Variants in GREB1 observed in about 807,000 individuals in gnomAD.
The protein encoded by GREB1 is growth regulating estrogen receptor binding 1.
GREB1 carries 106 observed loss-of-function variants against 200.7 expected under a neutral mutation model. The ratio of observed to expected loss-of-function variants is 0.53; its 90% CI spans 0.45 to 0.62. The LOEUF (loss-of-function observed/expected upper bound fraction) is 0.62, where lower values mean the gene tolerates loss of function less well. Ranked by LOEUF, GREB1 falls within the 20% of genes least tolerant of loss-of-function variation. The pLI is 0.00. For synonymous variants in GREB1, 1,132 were observed against 1,092.4 expected, an observed-to-expected ratio of 1.04 and a Z score of -0.72; for missense variants, 2,243 against 2,556.8, an observed-to-expected ratio of 0.88 and a Z score of 2.65.
chr2:11,519,059 T>G (rs1016731768), intron 1 of GREB1, among the ~76,000 whole-genome samples: 2 of 145,576 alleles, frequency 1.4e-5, no homozygotes, highest in Admixed American at 1.4e-4. Context: ...ATCGCGCCAC[T>G]GCACTCCAGC....
At chr2:11,595,159 A>C (rs1681095737) in intron 11 of GREB1, 92 bp from the exon 12 acceptor site, 2 of 1,159,844 alleles carry the variant, frequency 1.7e-6, no homozygotes, top group South Asian at 1.5e-5. Flanking sequence ...GGGAAATGTC[A>C]AGTCTAGAAG....
chr2:11,574,260 A>C (rs578199764), intron 4 of GREB1, among the ~76,000 whole-genome samples: 14 of 152,326 alleles, frequency 9.2e-5, no homozygotes, highest in African/African-American at 3.1e-4. Context: ...CACAGCTCAC[A>C]CGTGCAGTCA....
At chr2:11,592,187 CTTTTTT>C in intron 10 of GREB1, 1 of 311,754 alleles carries the variant, frequency 3.2e-6, no homozygotes, top group Non-Finnish European at 4.3e-6. Flanking sequence ...TTTTTTTTTT[CTTTTTT>C]TTTTTTTTTT....
chr2:11,483,271 CGTGT>C (rs201669714), intron 1 of GREB1, among the ~76,000 whole-genome samples: 2,177 of 141,802 alleles, frequency 0.015, 18 homozygotes, highest in Non-Finnish European at 0.023. Flanking sequence ...CACGTGTGTG[CGTGT>C]GTGAGTGCGC....
intron 1 of GREB1, among the ~76,000 whole-genome samples, chr2:11,497,731 G>A (rs1324974609): frequency 6.6e-6 from 1 of 152,094 alleles, no homozygotes; most frequent in Non-Finnish European, 1.5e-5. Context: ...TAATGACACT[G>A]AACATCTTTT....
chr2:11,578,406 C>T lies in GREB1; in HGVS notation c.747C>T (p.Ser249=). The stretch of plus-strand genomic sequence containing the variant: ...AGCCCGTTCCTGGGACGAACCCCAG[C>T]ATCCTGATGGGAGCTCAGCAGGCAG... The part of the protein sequence containing the change: ...PSEPVPGTNP[S]ILMGAQQAGP... Residue 249 remains serine (S), a synonymous_variant, in exon 6 of 33, where the codon AGC becomes AGT. Transcript: ENST00000381486. 1 of 1,613,990 alleles carries T rather than the reference C, an allele frequency of 6.2e-7. No homozygotes were observed. The highest frequency in any genetic ancestry group is 8.5e-7 in the Non-Finnish European group (1 of 1,180,030).
intron 5 of GREB1, 38 bp from the exon 6 acceptor site, chr2:11,578,259 A>G (rs1385852242): frequency 6.3e-7 from 1 of 1,592,414 alleles, no homozygotes; most frequent in Non-Finnish European, 8.6e-7. Context: ...GTTGGAGAAG[A>G]GCGAGTTGGT....
At chr2:11,549,389 A>G (rs1477253418) in intron 1 of GREB1, among the ~76,000 whole-genome samples, 5 of 152,270 alleles carry the variant, frequency 3.3e-5, no homozygotes, top group African/African-American at 9.6e-5. Flanking sequence ...TTTAAGACGA[A>G]AAAAAAGAGA....
At chr2:11,512,208 G>A (rs1673370917) in intron 1 of GREB1, among the ~76,000 whole-genome samples, 1 of 152,278 alleles carries the variant, frequency 6.6e-6, no homozygotes, top group South Asian at 2.1e-4. Flanking sequence ...CTCTAGCAAC[G>A]CTGTCTTCAA....
At position 11,618,937 on chromosome 2, in the gene GREB1, C is replaced by G; in HGVS notation, c.4044+18C>G. On this transcript the variant is annotated intron_variant, in intron 22 of 32. Coordinates refer to ENST00000381486, the MANE Select transcript of GREB1 (RefSeq NM_014668.4). ...CCCCTCAGGTGAGTGTTGCTCGCTG[C>G]CCCAGCACAGCCCCGGACTGGGGGG... 2.0e-6 allele frequency: 3 copies of G among 1,477,350 alleles called. No homozygotes were observed. Among genetic ancestry groups the G allele is most frequent in the Non-Finnish European group, 2.7e-6 (3 of 1,116,168 alleles). The allele number at this position is 1,477,350 out of a possible 1,614,324, so 91.5% of individuals were successfully genotyped here. A position where few individuals can be genotyped will look rare whatever the true frequency, so the allele number is the denominator to read the frequency against.
At chr2:11,533,667 C>T (rs1307186222), upstream of GREB1, among the ~76,000 whole-genome samples, 1 of 152,198 alleles carries the variant, frequency 6.6e-6, no homozygotes, top group African/African-American at 2.4e-5. Flanking sequence ...GAGATTCTAG[C>T]TTAGTGCAGG....
intron 3 of GREB1, 24 bp downstream of exon 3, chr2:11,562,606 C>T: frequency 1.3e-6 from 2 of 1,556,362 alleles, no homozygotes; most frequent in Non-Finnish European, 1.7e-6. Flanking sequence ...AGCTCCTGGC[C>T]AGGCAGTGCC....
chr2:11,542,908 AG>A (rs1040121679), intron 1 of GREB1: 6 of 152,460 alleles, frequency 3.9e-5, no homozygotes, highest in Admixed American at 3.9e-4. Flanking sequence ...CCTAAATTAA[AG>A]CCGCAGATGT....
At chr2:11,617,444 C>T (rs150095185) in intron 21 of GREB1, among the ~76,000 whole-genome samples, 161 of 152,344 alleles carry the variant, frequency 1.1e-3, no homozygotes, top group Non-Finnish European at 4.4e-4. Flanking sequence ...CCTCAGGGAA[C>T]GAACTCATTG....
rs74881612 is a variant in GREB1 at position 11,585,896 on chromosome 2, A to G, written c.1150A>G (p.Ile384Val). 3 of 1,613,834 alleles carry G rather than the reference A, an allele frequency of 1.9e-6. No homozygotes were observed. Among genetic ancestry groups the G allele is most frequent in the Non-Finnish European group, 2.5e-6 (3 of 1,180,042 alleles). The stretch of plus-strand genomic sequence containing the variant: ...GAAAATATGCAAGGCCAAGCCAGTG[A>G]TATTTAAAGGCAAGTACAGCAGTGC... ...LLKICKAKPV[I>V]FKGHGNFPYL... The change falls in exon 9 of 33, where the codon ATA (isoleucine) becomes GTA (valine). Residue 384 changes from isoleucine (I) to valine (V), a missense_variant. Around this residue, in one of 3 missense-constraint regions of GREB1, gnomAD observed 1,178 missense variants for 1,387.4 expected, o/e 0.85. Transcript: ENST00000381486.
chr2:11,621,932 C>T (rs1432006749), intron 23 of GREB1, among the ~76,000 whole-genome samples: 1 of 152,226 alleles, frequency 6.6e-6, no homozygotes, highest in Non-Finnish European at 1.5e-5. Flanking sequence ...TGTCTCCTTG[C>T]TTTCTTGGAC....
intron 6 of GREB1, among the ~76,000 whole-genome samples, chr2:11,578,697 C>A (rs564184267): frequency 1.3e-5 from 2 of 152,318 alleles, no homozygotes; most frequent in South Asian, 4.2e-4. Flanking sequence ...TGCAGCACCC[C>A]CCACCCCAAC....
intron 1 of GREB1, among the ~76,000 whole-genome samples, chr2:11,488,390 G>A (rs910361986): frequency 1.3e-5 from 2 of 152,178 alleles, no homozygotes; most frequent in South Asian, 2.1e-4. Context: ...TAAGTCAACC[G>A]AACGTTAGAC....
Position 11,597,748 on chromosome 2 carries a change from A to AGCTCACCTGGCATCCTGGG in GREB1, c.1955-28_1955-10dup. 1 of 1,603,366 alleles carries AGCTCACCTGGCATCCTGGG rather than the reference A, an allele frequency of 6.2e-7. No individual in the cohort carries two copies. Among genetic ancestry groups the AGCTCACCTGGCATCCTGGG allele is most frequent in the South Asian group, 1.1e-5 (1 of 90,850 alleles). On this transcript the variant is annotated intron_variant, in intron 13 of 32. Coordinates refer to ENST00000381486, the MANE Select transcript of GREB1 (RefSeq NM_014668.4). The surrounding 1 kb of genome is among the most constrained non-coding windows in gnomAD (Gnocchi z 4.1). ...GCCTGGCAGTAGCCGTGTGCCCTGG[A>AGCTCACCTGGCATCCTGGG]GCTCACCTGGCATCCTGGGGCTCTG...
Sources: gnomAD v4.1 joint callset for allele counts (sites outside exome capture counted in the v4.1 genomes callset) on GRCh38, gnomAD v4.1.1 for gene constraint, gnomAD v4.1.1 regional missense constraint, Gnocchi (gnomAD v3.1) non-coding constraint, MANE v1.5 for transcripts, NCBI Gene and HGNC (gene_info 2026-07-23, HGNC 2026-07-21) for gene names.